Variants in IFT56 observed in about 807,000 individuals in gnomAD.
IFT56 encodes the protein intraflagellar transport protein 56.
At chr7:139,146,846 A>G in the IFT56 span, 1 of 441,678 alleles carries the variant, frequency 2.3e-6, no homozygotes, top group South Asian at 2.5e-5. Flanking sequence ...AGACAGAAAA[A>G]GAAAAGGAAA....
the IFT56 span, chr7:139,134,918 C>T: frequency 1.1e-6 from 1 of 918,550 alleles, no homozygotes. Flanking sequence ...GTACAAATCC[C>T]CTGTAAATCT....
At chr7:139,151,096 A>G in the IFT56 span, among the ~76,000 whole-genome samples, 1 of 152,250 alleles carries the variant, frequency 6.6e-6, no homozygotes, top group Non-Finnish European at 1.5e-5. Flanking sequence ...AATTAAAAGT[A>G]TGACTGACAA....
chr7:139,143,751 C>A, the IFT56 span, among the ~76,000 whole-genome samples: 37,663 of 151,884 alleles, frequency 0.25, 8,434 homozygotes, highest in African/African-American at 0.57. Context: ...TCCATGTGGT[C>A]TGTGTTCCTT....
At chr7:139,141,274 A>G in the IFT56 span, among the ~76,000 whole-genome samples, 1 of 150,192 alleles carries the variant, frequency 6.7e-6, no homozygotes, top group Non-Finnish European at 1.5e-5. Context: ...AAAAAAAAAG[A>G]CAGGGTCTCA....
the IFT56 span, chr7:139,173,322 G>C: frequency 4.3e-6 from 2 of 462,704 alleles, no homozygotes; most frequent in Non-Finnish European, 7.7e-6. Flanking sequence ...CTGCCTCCTG[G>C]GTTCAAGCGA....
At chr7:139,133,779 G>A in the IFT56 span, 4 of 1,598,896 alleles carry the variant, frequency 2.5e-6, no homozygotes, top group Non-Finnish European at 3.4e-6. Flanking sequence ...CGTGGAGACA[G>A]AACGTGCTGT....
chr7:139,139,996 G>A, the IFT56 span: 3 of 1,605,342 alleles, frequency 1.9e-6, no homozygotes, highest in Non-Finnish European at 2.6e-6. Context: ...GAAGCAGCTG[G>A]ATTTAAAGGT....
the IFT56 span, chr7:139,178,311 A>G: frequency 1.2e-6 from 2 of 1,603,992 alleles, no homozygotes; most frequent in Non-Finnish European, 1.7e-6. Context: ...AGGTCAGTAT[A>G]GAATTATCTA....
chr7:139,160,905 A>G, the IFT56 span: 13 of 1,483,898 alleles, frequency 8.8e-6, no homozygotes, highest in Non-Finnish European at 1.2e-5. Flanking sequence ...TATAAGAACT[A>G]TACACTTGTC....
chr7:139,156,845 C>T, the IFT56 span, among the ~76,000 whole-genome samples: 224 of 152,284 alleles, frequency 1.5e-3, 1 homozygote, highest in African/African-American at 5.2e-3. Context: ...CCCTCAATGC[C>T]ATACGGCCTT....
At chr7:139,156,408 G>T in the IFT56 span, among the ~76,000 whole-genome samples, 3 of 150,334 alleles carry the variant, frequency 2.0e-5, no homozygotes, top group Non-Finnish European at 4.4e-5. Context: ...TTACAGTTAG[G>T]TTATTAATTT....
the IFT56 span, among the ~76,000 whole-genome samples, chr7:139,175,934 A>G: frequency 2.0e-5 from 3 of 152,052 alleles, no homozygotes; most frequent in Admixed American, 1.3e-4. Context: ...GGTTCAAGCA[A>G]TTCTCCTGCC....
the IFT56 span, chr7:139,173,225 C>CTT: frequency 0.01 from 3,047 of 294,162 alleles, no homozygotes; most frequent in South Asian, 0.02. Context: ...ACAAAGTCAC[C>CTT]TTTTTTTTTT....
the IFT56 span, chr7:139,178,181 A>T: frequency 2.0e-6 from 3 of 1,498,684 alleles, no homozygotes; most frequent in Non-Finnish European, 2.8e-6. Flanking sequence ...AGTCTCATGA[A>T]TATATGTGGG....
chr7:139,172,542 T>G, the IFT56 span: 39 of 515,948 alleles, frequency 7.6e-5, no homozygotes, highest in South Asian at 6.0e-4. Flanking sequence ...TTCTTGCTGC[T>G]GTAATGCACC....
At chr7:139,180,729 T>C in the IFT56 span, among the ~76,000 whole-genome samples, 9 of 151,958 alleles carry the variant, frequency 5.9e-5, no homozygotes, top group Admixed American at 5.2e-4. Context: ...AAATTAAATG[T>C]TTACTGAATT....
the IFT56 span, among the ~76,000 whole-genome samples, chr7:139,180,087 C>T: frequency 6.6e-6 from 1 of 152,172 alleles, no homozygotes; most frequent in African/African-American, 2.4e-5. Flanking sequence ...CCTGTAATCC[C>T]AGCACTTTGG....
the IFT56 span, among the ~76,000 whole-genome samples, chr7:139,137,038 TGTCTTC>T: frequency 1.3e-5 from 2 of 152,186 alleles, no homozygotes; most frequent in Non-Finnish European, 2.9e-5. Flanking sequence ...ATCAAAGGGA[TGTCTTC>T]ATCTTGTAAT....
At chr7:139,151,847 A>G in the IFT56 span, among the ~76,000 whole-genome samples, 1 of 152,180 alleles carries the variant, frequency 6.6e-6, no homozygotes, top group Non-Finnish European at 1.5e-5. Flanking sequence ...GGATCACCTG[A>G]GGTCAGGAGT....
Sources: allele counts gnomAD v4.1 joint callset (sites outside exome capture counted in the v4.1 genomes callset), GRCh38; gene constraint gnomAD v4.1.1; transcripts MANE v1.5; gene names NCBI Gene and HGNC (gene_info 2026-07-23, HGNC 2026-07-21).